The following FAM50A variants were observed in gnomAD, a reference collection of about 807,000 sequenced individuals.
FAM50A encodes protein FAM50A.
FAM50A carries 6 observed loss-of-function variants against 35.5 expected under a neutral mutation model. That is an observed-to-expected ratio of 0.17 (90% confidence interval 0.09 to 0.33). The LOEUF (loss-of-function observed/expected upper bound fraction) is 0.33. Among genes scored for constraint, FAM50A ranks in the 10% least tolerant of loss-of-function variants. The pLI, the probability that FAM50A is intolerant of heterozygous loss-of-function variation, is 1.00. For missense variants in FAM50A, 145 were observed against 295.5 expected, an observed-to-expected ratio of 0.49 and a Z score of 3.73; for synonymous variants, 120 against 110.9, an observed-to-expected ratio of 1.08 and a Z score of -0.52.
At chrX:154,447,883 G>A (rs909113477) in intron 4 of FAM50A, among the ~76,000 whole-genome samples, 1 of 110,300 alleles carries the variant, frequency 9.1e-6, no homozygotes, top group African/African-American at 3.3e-5. Context: ...CTGGGGGAAA[G>A]GTTGTCACCC....
In FAM50A at chrX:154,444,206, G is replaced by GCCGCCGCCGCCCGCCGCCGCCGC. The variant is rs2068771658; in HGVS notation, c.-19_-18insCGCCGCCGCCGCCCGCCGCCGCC. The GCCGCCGCCGCCCGCCGCCGCCGC allele has an allele frequency of 2.6e-6, 1 of 391,180 alleles. No individual in the cohort carries two copies. The highest frequency in any genetic ancestry group is 2.8e-5 in the African/African-American group (1 of 35,098). The allele number at this position is 391,180 out of a possible 1,213,427, so 32.2% of individuals were successfully genotyped here. ...GTCGCTGTCGCCGCCGCCGCCGCCC[G>GCCGCCGCCGCCCGCCGCCGCCGC]CCGCCGCCGCCGCCGCCGCCGCCGC... On this transcript the variant is annotated 5_prime_UTR_variant, in exon 1 of 13. Transcript: ENST00000393600.
chrX:154,449,567 C>T (rs782058702), intron 8 of FAM50A, 114 bp from the exon 9 acceptor site: 21 of 639,202 alleles, frequency 3.3e-5, no homozygotes, highest in Non-Finnish European at 5.2e-5. Context: ...CCCTCACAGC[C>T]AACTGGCCGC....
intron 8 of FAM50A, 89 bp from the exon 9 acceptor site, chrX:154,449,592 A>G: frequency 1.2e-6 from 1 of 829,077 alleles, no homozygotes; most frequent in East Asian, 3.2e-5. Flanking sequence ...TCCCAGCCCC[A>G]GCATGGGCTC....
chrX:154,448,072 C>CTTTTTTTTTTTTTTT lies in FAM50A; in HGVS notation c.443-398_443-397insTTTTTTTTTTTTTTT, dbSNP rs781847663. Among the ~76,000 whole-genome samples, 88 of 82,832 alleles carry CTTTTTTTTTTTTTTT rather than the reference C, an allele frequency of 1.1e-3. 5 individuals carry two copies. Among genetic ancestry groups the CTTTTTTTTTTTTTTT allele is most frequent in the African/African-American group, 4.7e-3 (84 of 18,002 alleles). The allele number at this position is 82,832 out of a possible 115,157, so 71.9% of individuals were successfully genotyped here. On this transcript the variant is annotated intron_variant, in intron 4 of 12. Transcript: ENST00000393600. ...TGTTGTTCTTTTCTTTTTTTTCTTT[C>CTTTTTTTTTTTTTTT]TTTTTTTTTTTTTTGAGATGAGGTC... is the stretch of plus-strand genomic sequence containing the variant.
In FAM50A at chrX:154,449,754, A is replaced by G. The variant is rs782310502; in HGVS notation, c.780+19A>G. The G allele has an allele frequency of 3.3e-6, 4 of 1,196,996 alleles. No homozygotes were observed. Among genetic ancestry groups the G allele is most frequent in the Non-Finnish European group, 4.5e-6 (4 of 883,461 alleles). On this transcript the variant is annotated intron_variant, in intron 9 of 12. Coordinates refer to ENST00000393600, the MANE Select transcript of FAM50A (RefSeq NM_004699.4). ...CCCTCACGTGAGTCCCTTCAGCCCC[A>G]GTACCCGCAGTGGGTGCAGCACCCT...
In FAM50A at chrX:154,449,782, G is replaced by C. The variant is rs781974283; in HGVS notation, c.780+47G>C. The C allele has an allele frequency of 2.3e-5, 28 of 1,195,286 alleles. No individual in the cohort carries two copies. In the South Asian group the frequency reaches 4.6e-4, roughly 20 times the overall value. ...ACCCGCAGTGGGTGCAGCACCCTGGGCTTTGGCTCAGGCTGGTGGGGGCAG... is the reference window on the plus strand; with the variant it reads ...ACCCGCAGTGGGTGCAGCACCCTGGCCTTTGGCTCAGGCTGGTGGGGGCAG... On this transcript the variant is annotated intron_variant, in intron 9 of 12. Transcript: ENST00000393600.
In FAM50A at chrX:154,448,765, T is replaced by G. The variant is rs782126605; in HGVS notation, c.586+9T>G. On this transcript the variant is annotated intron_variant, in intron 6 of 12. Transcript: ENST00000393600. Reference sequence around the variant, plus strand: ...GCAGGAGAAGATCAAGAGTGAGTGTTTGCGGAGTCAGACGCGAGGGGCCTG... The same window carrying G: ...GCAGGAGAAGATCAAGAGTGAGTGTGTGCGGAGTCAGACGCGAGGGGCCTG... 10 of 1,206,183 alleles carry G rather than the reference T, an allele frequency of 8.3e-6. No homozygotes were observed. The highest frequency in any genetic ancestry group is 2.2e-5 in the Admixed American group (1 of 45,600).
In FAM50A at chrX:154,450,473, C is replaced by T; in HGVS notation, c.*41C>T. The T allele has an allele frequency of 8.4e-7, 1 of 1,195,627 alleles. No homozygotes were observed. The highest frequency in any genetic ancestry group is 1.1e-6 in the Non-Finnish European group (1 of 883,004). On this transcript the variant is annotated 3_prime_UTR_variant, in exon 13 of 13. Transcript: ENST00000393600. ...CGCGGCCCCGGCTCCTCAGCTCCCTCAGTGTGCCCCGTGGTGTCACCGGGA... is the reference window on the plus strand; with the variant it reads ...CGCGGCCCCGGCTCCTCAGCTCCCTTAGTGTGCCCCGTGGTGTCACCGGGA...
rs782513976 is a variant in FAM50A at position 154,446,491 on chromosome X, G to A, written c.373G>A (p.Glu125Lys). The change falls in exon 4 of 13, where the codon GAG (glutamate) becomes AAG (lysine). Residue 125 changes from glutamate to lysine, a missense_variant. Physicochemically the swap from Glu to Lys is moderately conservative, Grantham distance 56 (BLOSUM62 1). This residue lies in a region of FAM50A where 32 missense variants were observed against 22.9 expected (regional missense o/e 1.40). Coordinates refer to ENST00000393600, the MANE Select transcript of FAM50A (RefSeq NM_004699.4). ...GATCTCCAGCCTGTCCTTCACCCTGGAGGAGGAAGAAGAGGGAGGCGAGGA... is the reference window on the plus strand; with the variant it reads ...GATCTCCAGCCTGTCCTTCACCCTGAAGGAGGAAGAAGAGGGAGGCGAGGA... Reference protein sequence around the residue: ...RKISSLSFTLEEEEEGGEEEE... With the variant: ...RKISSLSFTLKEEEEGGEEEE... 5 of 1,204,013 alleles carry A rather than the reference G, an allele frequency of 4.2e-6. No individual in the cohort carries two copies. The highest frequency in any genetic ancestry group is 5.6e-6 in the Non-Finnish European group (5 of 890,455).
Position 154,444,206 on chromosome X carries a change from G to GC in FAM50A, c.-28dup. On this transcript the variant is annotated 5_prime_UTR_variant, in exon 1 of 13. Transcript: ENST00000393600. ...GTCGCTGTCGCCGCCGCCGCCGCCC[G>GC]CCGCCGCCGCCGCCGCCGCCGCCGC... 7.6e-6 allele frequency: 3 copies of GC among 392,809 alleles called. No individual in the cohort carries two copies. Among genetic ancestry groups the GC allele is most frequent in the Non-Finnish European group, 9.8e-6 (3 of 305,775 alleles). 32.4% of individuals were successfully genotyped at this position (392,809 alleles called of 1,213,427 possible).
chrX:154,446,698 C>T (rs1206854835), intron 4 of FAM50A, 138 bp downstream of exon 4: 15 of 902,674 alleles, frequency 1.7e-5, no homozygotes, highest in African/African-American at 1.6e-4. Flanking sequence ...CACAGTAGAC[C>T]GGGGAGGGAA....
intron 1 of FAM50A, chrX:154,445,382 T>C: frequency 2.4e-6 from 1 of 420,758 alleles, no homozygotes; most frequent in East Asian, 3.9e-5. Flanking sequence ...CAAAGGTCAG[T>C]AGGGTCGGTG....
At chrX:154,444,416 C>A in intron 1 of FAM50A, 70 bp downstream of exon 1, 1 of 661,922 alleles carries the variant, frequency 1.5e-6, no homozygotes. Flanking sequence ...ACGCTCCGGC[C>A]CTGGAAGCCC....
At position 154,448,920 on chromosome X, in the gene FAM50A, A is replaced by T. The variant is rs782687252; in HGVS notation, c.614A>T (p.Tyr205Phe). The change falls in exon 7 of 13, where the codon TAC (tyrosine) becomes TTC (phenylalanine). Residue 205 changes from tyrosine to phenylalanine, a missense_variant. Tyr to Phe is a conservative substitution (Grantham distance 22, BLOSUM62 3). Transcript: ENST00000393600. ...GAGGAGATCGAGATCACCTTCAGCT[A>T]CTGGGATGGCTCTGGGCACCGGCGG... Reference protein sequence around the residue: ...KSEEIEITFSYWDGSGHRRTV... With the variant: ...KSEEIEITFSFWDGSGHRRTV... 17 of 1,209,979 alleles carry T rather than the reference A, an allele frequency of 1.4e-5. No individual in the cohort carries two copies. Among genetic ancestry groups the T allele is most frequent in the Non-Finnish European group, 1.6e-5 (14 of 894,798 alleles).
At chrX:154,448,649 G>A (rs2068791707) in intron 5 of FAM50A, 41 bp from the exon 6 acceptor site, 1 of 1,192,702 alleles carries the variant, frequency 8.4e-7, no homozygotes, top group Admixed American at 2.2e-5. Flanking sequence ...TGCACCCTGA[G>A]CAGCCCTGGG....
rs1569553636 is a variant in FAM50A at position 154,450,042 on chromosome X, C to G, written c.843C>G (p.Asn281Lys). Residue 281 changes from asparagine to lysine, a missense_variant, in exon 11 of 13, where the codon AAC becomes AAG. This residue lies in a region of FAM50A where 59 missense variants were observed against 164.5 expected (regional missense o/e 0.36). Coordinates refer to ENST00000393600, the MANE Select transcript of FAM50A (RefSeq NM_004699.4). The stretch of plus-strand genomic sequence containing the variant: ...TCTCCCCTGCAGGACCACTCTTCAA[C>G]TTTGATGTTCATGACGATGTGCGGT... The part of the protein sequence containing the change: ...KARGKSGPLF[N>K]FDVHDDVRLL... The G allele has an allele frequency of 1.7e-6, 2 of 1,211,272 alleles. No homozygotes were observed. Among genetic ancestry groups the G allele is most frequent in the South Asian group, 1.8e-5 (1 of 56,974 alleles).
chrX:154,446,509 G>C lies in FAM50A; in HGVS notation c.391G>C (p.Gly131Arg). The change falls in exon 4 of 13, where the codon GGC (glycine) becomes CGC (arginine). Residue 131 changes from glycine to arginine, a missense_variant. Transcript: ENST00000393600. The part of the protein sequence containing the change: ...SFTLEEEEEG[G>R]EEEEEAAMYE... ...CACCCTGGAGGAGGAAGAAGAGGGA[G>C]GCGAGGAGGAAGAGGAGGCGGCCAT... The C allele has an allele frequency of 2.5e-6, 3 of 1,200,512 alleles. No individual in the cohort carries two copies. Among genetic ancestry groups the C allele is most frequent in the Non-Finnish European group, 3.4e-6 (3 of 887,312 alleles).
At chrX:154,448,059 C>CTTTTTTTTCTTTCTTTTTTT (rs2068788784) in intron 4 of FAM50A, among the ~76,000 whole-genome samples, 1 of 84,801 alleles carries the variant, frequency 1.2e-5, no homozygotes, top group Non-Finnish European at 2.1e-5. Context: ...TTGTTCTTTT[C>CTTTTTTTTCTTTCTTTTTTT]TTTTTTTTCT....
chrX:154,446,298 C>A, intron 3 of FAM50A, 117 bp from the exon 4 acceptor site: 1 of 669,154 alleles, frequency 1.5e-6, no homozygotes, highest in Non-Finnish European at 2.4e-6. Flanking sequence ...CAATGGGGAC[C>A]CAGCCTGGGC....
Sources: gnomAD v4.1 joint callset for allele counts (sites outside exome capture counted in the v4.1 genomes callset) on GRCh38, gnomAD v4.1.1 for gene constraint, gnomAD v4.1.1 regional missense constraint, MANE v1.5 for transcripts, NCBI Gene and HGNC (gene_info 2026-07-23, HGNC 2026-07-21) for gene names.